The following CHLSN variants were observed in gnomAD, a reference collection of about 807,000 sequenced individuals.
The protein encoded by CHLSN is protein cholesin.
chr7:1,009,890 C>T, the CHLSN span: 1 of 1,409,708 alleles, frequency 7.1e-7, no homozygotes, highest in Non-Finnish European at 9.4e-7. Context: ...GCTTCGACCC[C>T]CTCAGGCAGG....
At chr7:982,406 C>T in the CHLSN span, among the ~76,000 whole-genome samples, 1 of 152,246 alleles carries the variant, frequency 6.6e-6, no homozygotes, top group Admixed American at 6.5e-5. Context: ...TCAGGGCAGG[C>T]TGTGCAAAGC....
At chr7:990,858 C>T in the CHLSN span, among the ~76,000 whole-genome samples, 2 of 152,142 alleles carry the variant, frequency 1.3e-5, no homozygotes, top group Non-Finnish European at 2.9e-5. Flanking sequence ...CCCTCTGGAG[C>T]TCTGGAGGGT....
chr7:1,093,282 G>C, the CHLSN span: 1 of 436,858 alleles, frequency 2.3e-6, no homozygotes, highest in Non-Finnish European at 4.8e-6. Context: ...CTGCCACCGT[G>C]GGGGAACTGA....
chr7:1,014,742 C>T, the CHLSN span, among the ~76,000 whole-genome samples: 1 of 152,270 alleles, frequency 6.6e-6, no homozygotes, highest in East Asian at 1.9e-4. Flanking sequence ...TGACTGTGAA[C>T]ACCACATGCA....
the CHLSN span, among the ~76,000 whole-genome samples, chr7:1,004,172 G>A: frequency 9.8e-3 from 1,498 of 152,208 alleles, 18 homozygotes; most frequent in African/African-American, 0.033. Flanking sequence ...GCCCCTCGTC[G>A]TCTGCTCCCC....
chr7:1,009,823 C>T, the CHLSN span: 115 of 822,482 alleles, frequency 1.4e-4, no homozygotes, highest in East Asian at 2.6e-3. Context: ...ACAGGCCTGG[C>T]ATGAACGCTC....
At chr7:1,107,752 G>T in the CHLSN span, among the ~76,000 whole-genome samples, 3 of 152,158 alleles carry the variant, frequency 2.0e-5, no homozygotes, top group Non-Finnish European at 4.4e-5. Flanking sequence ...CCCACGCCCC[G>T]GGAGGAAGCA....
At chr7:1,133,162 C>T in the CHLSN span, among the ~76,000 whole-genome samples, 456 of 152,164 alleles carry the variant, frequency 3.0e-3, no homozygotes, top group Middle Eastern at 0.02. Context: ...GACACTGTGC[C>T]GGGCAGGAGA....
the CHLSN span, among the ~76,000 whole-genome samples, chr7:982,984 C>T: frequency 6.6e-6 from 1 of 152,114 alleles, no homozygotes; most frequent in Non-Finnish European, 1.5e-5. Flanking sequence ...CCCCAGAGGG[C>T]CCCCGTCCTG....
chr7:988,652 G>A, the CHLSN span: 2 of 1,601,684 alleles, frequency 1.2e-6, no homozygotes, highest in Non-Finnish European at 1.7e-6. Flanking sequence ...CGTCTGTGTT[G>A]GGGAGCGCCT....
the CHLSN span, among the ~76,000 whole-genome samples, chr7:992,878 G>T: frequency 6.6e-6 from 1 of 152,208 alleles, no homozygotes; most frequent in African/African-American, 2.4e-5. Flanking sequence ...CCCGAGGCAG[G>T]CCCATCGCTG....
the CHLSN span, chr7:997,686 G>C: frequency 6.2e-7 from 1 of 1,611,226 alleles, no homozygotes. Flanking sequence ...GGGGGGATCA[G>C]AGCCCTCCTC....
chr7:1,124,723 T>TA, the CHLSN span, among the ~76,000 whole-genome samples: 2 of 97,570 alleles, frequency 2.0e-5, no homozygotes, highest in Non-Finnish European at 4.2e-5. Flanking sequence ...TAATAAAAAA[T>TA]AAAAAAAATT....
the CHLSN span, among the ~76,000 whole-genome samples, chr7:1,083,797 C>T: frequency 9.2e-5 from 14 of 152,176 alleles, no homozygotes; most frequent in African/African-American, 1.4e-4. Context: ...ACGGCGGCAC[C>T]GACGCGCCCA....
the CHLSN span, among the ~76,000 whole-genome samples, chr7:1,053,510 G>A: frequency 2.6e-4 from 40 of 152,312 alleles, no homozygotes; most frequent in Middle Eastern, 3.4e-3. Context: ...TTCTGTGGGT[G>A]CCCCCTGCAG....
At chr7:1,127,181 G>C in the CHLSN span, 1 of 1,493,644 alleles carries the variant, frequency 6.7e-7, no homozygotes, top group African/African-American at 1.4e-5. Context: ...AGCAGGCTGA[G>C]CCACCCCCTC....
At chr7:1,016,536 AAGC>A in the CHLSN span, among the ~76,000 whole-genome samples, 5 of 53,350 alleles carry the variant, frequency 9.4e-5, 1 homozygote, top group African/African-American at 3.6e-4. Context: ...CACCAGCACA[AAGC>A]AGCGCACGCC....
the CHLSN span, among the ~76,000 whole-genome samples, chr7:989,881 G>A: frequency 4.1e-5 from 6 of 147,300 alleles, no homozygotes; most frequent in African/African-American, 1.3e-4. Context: ...CGGTGTGGTC[G>A]GCAGTGTGAG....
chr7:1,093,868 A>G, the CHLSN span: 1 of 343,268 alleles, frequency 2.9e-6, no homozygotes. Context: ...TGGGGTGGGC[A>G]TGGGGCACTC....
Sources: gnomAD v4.1 joint callset for allele counts (sites outside exome capture counted in the v4.1 genomes callset) on GRCh38, gnomAD v4.1.1 for gene constraint, MANE v1.5 for transcripts, NCBI Gene and HGNC (gene_info 2026-07-23, HGNC 2026-07-21) for gene names.